GSE1: variants seen among roughly 807,000 people sequenced by gnomAD.
GSE1 encodes genetic suppressor element 1.
Under a neutral mutation model 112.6 loss-of-function variants are expected in GSE1, and 32 were observed. That is an observed-to-expected ratio of 0.28 (90% confidence interval 0.21 to 0.38). The LOEUF (loss-of-function observed/expected upper bound fraction) is 0.38, where lower values mean the gene tolerates loss of function less well. GSE1 is among the 10% of genes least tolerant of loss of function. The pLI is 1.00. For missense variants in GSE1, 2,348 were observed against 1,699.2 expected, an observed-to-expected ratio of 1.38 and a Z score of -6.71; for synonymous variants, 1,115 against 735.6, an observed-to-expected ratio of 1.52 and a Z score of -8.35.
intron 2 of GSE1, among the ~76,000 whole-genome samples, chr16:85,403,493 A>G (rs1359965564): frequency 6.6e-6 from 1 of 152,116 alleles, no homozygotes; most frequent in Admixed American, 6.5e-5. Context: ...AGGGAGGGAT[A>G]AAATTGACAT....
At chr16:85,632,203 G>A (rs1019520571) in intron 1 of GSE1, among the ~76,000 whole-genome samples, 53 of 152,344 alleles carry the variant, frequency 3.5e-4, no homozygotes, top group African/African-American at 1.3e-3. Context: ...GGTGGGGCCC[G>A]CTGCTGCAGG....
chr16:85,457,585 C>G (rs78795521), intron 2 of GSE1, among the ~76,000 whole-genome samples: 1 of 152,188 alleles, frequency 6.6e-6, no homozygotes, highest in Non-Finnish European at 1.5e-5. Context: ...AAGGGCTGGA[C>G]GGGCTCCTCC....
intron 1 of GSE1, among the ~76,000 whole-genome samples, chr16:85,268,349 A>G (rs1342771366): frequency 6.6e-6 from 1 of 152,074 alleles, no homozygotes; most frequent in Non-Finnish European, 1.5e-5. Flanking sequence ...CAGTACAAAC[A>G]CTGCCAGGTC....
upstream of GSE1, among the ~76,000 whole-genome samples, chr16:85,553,308 C>CGCT (rs1019545127): frequency 6.7e-6 from 1 of 149,270 alleles, no homozygotes; most frequent in Non-Finnish European, 1.5e-5. Context: ...CCGCCGCCGC[C>CGCT]GCTGCCGGCG....
At chr16:85,531,879 A>G (rs374254065) in intron 2 of GSE1, among the ~76,000 whole-genome samples, 2 of 152,080 alleles carry the variant, frequency 1.3e-5, no homozygotes, top group African/African-American at 4.8e-5. Flanking sequence ...ACAAGAGACT[A>G]TTTTGGCTGA....
intron 2 of GSE1, among the ~76,000 whole-genome samples, chr16:85,375,740 G>GGGCA (rs67315541): frequency 2.7e-4 from 3 of 11,188 alleles, no homozygotes; most frequent in African/African-American, 7.1e-4. Flanking sequence ...ACACAGGCCT[G>GGGCA]CCTGTCTCTC....
In GSE1 at chr16:85,672,890, G is replaced by C. The variant is rs148406093; in HGVS notation, c.*351G>C. The stretch of plus-strand genomic sequence containing the variant: ...TAACAGCCCCCTGTGCATATGAGTG[G>C]ATCAAACCGGTTCTGTTCTTTCTTG... On this transcript the variant is annotated 3_prime_UTR_variant, in exon 16 of 16. Transcript: ENST00000253458. The C allele has an allele frequency of 1.7e-3, 283 of 165,224 alleles. 2 individuals are homozygous for C. Among genetic ancestry groups the C allele is most frequent in the Non-Finnish European group, 1.5e-3 (112 of 76,200 alleles). The allele number at this position is 165,224 out of a possible 1,614,324, so 10.2% of individuals were successfully genotyped here.
Position 85,672,462 on chromosome 16 carries a change from C to G in GSE1, c.3577C>G (p.Leu1193Val). The G allele has an allele frequency of 1.9e-6, 3 of 1,610,418 alleles. No individual in the cohort carries two copies. Among genetic ancestry groups the G allele is most frequent in the Non-Finnish European group, 2.5e-6 (3 of 1,176,934 alleles). ...AGAAAGGGAGCGGCTCCAGGCAGAA[C>G]TGGACCACTTACGAAAGTGCCTTGC... The part of the protein sequence containing the change: ...VSERERLQAE[L>V]DHLRKCLALP... Residue 1193 changes from leucine (L) to valine (V), a missense_variant, in exon 16 of 16, where the codon CTG becomes GTG. Coordinates refer to ENST00000253458, the MANE Select transcript of GSE1 (RefSeq NM_014615.5).
intron 1 of GSE1, among the ~76,000 whole-genome samples, chr16:85,584,414 A>G (rs1354210646): frequency 6.6e-6 from 1 of 152,156 alleles, no homozygotes; most frequent in African/African-American, 2.4e-5. Context: ...CGCTGCCTCT[A>G]ATGCCCTAAT....
intron 1 of GSE1, among the ~76,000 whole-genome samples, chr16:85,211,743 C>T (rs754765678): frequency 2.6e-5 from 4 of 152,150 alleles, no homozygotes; most frequent in South Asian, 2.1e-4. Flanking sequence ...ACTGGGCACC[C>T]GCGAGAGAGG....
chr16:85,217,606 T>C (rs1273361105), intron 1 of GSE1, among the ~76,000 whole-genome samples: 1 of 152,110 alleles, frequency 6.6e-6, no homozygotes, highest in Non-Finnish European at 1.5e-5. Flanking sequence ...CCTTGCCTGG[T>C]TGTGAGAGTT....
chr16:85,411,638 A>AG (rs1159797130), intron 2 of GSE1, among the ~76,000 whole-genome samples: 2 of 7,964 alleles, frequency 2.5e-4, no homozygotes, highest in Non-Finnish European at 4.5e-4. Flanking sequence ...TGTTACACTC[A>AG]GGCCCCCCGG....
intron 2 of GSE1, among the ~76,000 whole-genome samples, chr16:85,637,678 G>C (rs1344949913): frequency 4.6e-5 from 7 of 152,224 alleles, no homozygotes; most frequent in Non-Finnish European, 1.0e-4. Flanking sequence ...GTGGCATGGG[G>C]AATTCCAATC....
intron 1 of GSE1, among the ~76,000 whole-genome samples, chr16:85,568,191 G>A (rs997014932): frequency 4.6e-5 from 7 of 152,220 alleles, no homozygotes; most frequent in African/African-American, 1.7e-4. Flanking sequence ...CTTGCCTTGA[G>A]GAAGGAAAGA....
intron 1 of GSE1, among the ~76,000 whole-genome samples, chr16:85,281,517 A>G (rs2044857818): frequency 7.2e-5 from 11 of 152,170 alleles, no homozygotes; most frequent in Admixed American, 7.2e-4. Context: ...CTTGCATCGG[A>G]GCGCCGTCTA....
chr16:85,574,324 A>T (rs1009100188), intron 1 of GSE1, among the ~76,000 whole-genome samples: 5 of 152,238 alleles, frequency 3.3e-5, no homozygotes, highest in African/African-American at 1.2e-4. Context: ...GCTGCTTCCC[A>T]GAGAGGACAA....
chr16:85,186,467 G>T (rs571022813), intron 1 of GSE1, among the ~76,000 whole-genome samples: 1 of 152,132 alleles, frequency 6.6e-6, no homozygotes, highest in African/African-American at 2.4e-5. Context: ...ACTGGGTGTG[G>T]TGGCGCATGC....
rs935100962 is a variant in GSE1 at position 85,674,969 on chromosome 16, A to C, written c.*2430A>C. 2 of 152,754 alleles carry C rather than the reference A, an allele frequency of 1.3e-5. No homozygotes were observed. Among genetic ancestry groups the C allele is most frequent in the African/African-American group, 4.8e-5 (2 of 41,582 alleles). The allele number at this position is 152,754 out of a possible 1,614,324, so 9.5% of individuals were successfully genotyped here. On this transcript the variant is annotated 3_prime_UTR_variant, in exon 16 of 16. Coordinates refer to ENST00000253458, the MANE Select transcript of GSE1 (RefSeq NM_014615.5). The stretch of plus-strand genomic sequence containing the variant: ...ACAAACCAGTAAGGCAACACGAATA[A>C]ACTAAGAAAAAGGTAAGAACTGTCT...
At chr16:85,185,798 G>T (rs755890241) in intron 1 of GSE1, among the ~76,000 whole-genome samples, 3 of 152,284 alleles carry the variant, frequency 2.0e-5, no homozygotes, top group Non-Finnish European at 4.4e-5. Flanking sequence ...CTGGCAGAAG[G>T]CCTCCTGCCC....
Sources: gnomAD v4.1 joint callset for allele counts (sites outside exome capture counted in the v4.1 genomes callset) on GRCh38, gnomAD v4.1.1 for gene constraint, MANE v1.5 for transcripts, NCBI Gene and HGNC (gene_info 2026-07-23, HGNC 2026-07-21) for gene names.